The following ITFG1 variants were observed in gnomAD, a reference collection of about 807,000 sequenced individuals.
ITFG1 encodes integrin alpha FG-GAP repeat containing 1.
Under a neutral mutation model 81.8 loss-of-function variants are expected in ITFG1, and 34 were observed. The observed-to-expected ratio is 0.42, with a 90% CI of 0.32 to 0.55. The LOEUF (loss-of-function observed/expected upper bound fraction) is 0.55. ITFG1 is among the 20% of genes least tolerant of loss of function. The pLI is 0.17. For synonymous variants in ITFG1, 285 were observed against 270.6 expected (o/e 1.05, Z -0.52); for missense variants, 672 against 755.4 (o/e 0.89, Z 1.29).
chr16:47,195,372 T>C (rs891262147), intron 14 of ITFG1, among the ~76,000 whole-genome samples: 4 of 152,204 alleles, frequency 2.6e-5, no homozygotes, highest in African/African-American at 9.6e-5. Context: ...AAAGAACCAG[T>C]TGAAGTAAAT....
chr16:47,403,678 G>A (rs1029422514), intron 6 of ITFG1, among the ~76,000 whole-genome samples: 3 of 151,414 alleles, frequency 2.0e-5, no homozygotes, highest in Non-Finnish European at 2.9e-5. Flanking sequence ...GCATGTGCAA[G>A]TATTTTATAG....
At chr16:47,300,238 T>C (rs1967054936) in intron 10 of ITFG1, among the ~76,000 whole-genome samples, 1 of 152,248 alleles carries the variant, frequency 6.6e-6, no homozygotes, top group South Asian at 2.1e-4. Flanking sequence ...CTTCCTATTT[T>C]TTTCTTGTTG....
intron 10 of ITFG1, among the ~76,000 whole-genome samples, chr16:47,271,746 C>G (rs978553440): frequency 6.6e-6 from 1 of 152,134 alleles, no homozygotes; most frequent in Non-Finnish European, 1.5e-5. Context: ...GTAGTCCCAG[C>G]TACTTGGGAG....
intron 10 of ITFG1, among the ~76,000 whole-genome samples, chr16:47,299,021 G>T (rs1356291465): frequency 6.6e-6 from 1 of 152,110 alleles, no homozygotes; most frequent in Non-Finnish European, 1.5e-5. Context: ...GCCCTGAGAG[G>T]GGTGGTGGGG....
chr16:47,428,907 T>A lies in ITFG1; in HGVS notation c.561-9A>T. 1 of 1,514,988 alleles carries A rather than the reference T, an allele frequency of 6.6e-7. No individual in the cohort carries two copies. Among genetic ancestry groups the A allele is most frequent in the South Asian group, 1.2e-5 (1 of 82,926 alleles). The allele number at this position is 1,514,988 out of a possible 1,614,324, so 93.8% of individuals were successfully genotyped here. A position where few individuals can be genotyped will look rare whatever the true frequency, so the allele number is the denominator to read the frequency against. ...GATGCCATGATAAATTCCTAAAAAA[T>A]AAAATAAAAATACTTTTCTTAAGGC... On this transcript the variant is annotated splice_polypyrimidine_tract_variant and intron_variant, in intron 5 of 17. Coordinates refer to ENST00000320640, the MANE Select transcript of ITFG1 (RefSeq NM_030790.5).
intron 8 of ITFG1, among the ~76,000 whole-genome samples, chr16:47,315,891 A>G (rs1967349693): frequency 6.6e-6 from 1 of 151,968 alleles, no homozygotes; most frequent in African/African-American, 2.4e-5. Context: ...CCTGGGTTCA[A>G]GCAATTCTCA....
intron 14 of ITFG1, among the ~76,000 whole-genome samples, chr16:47,217,740 C>G (rs1287759022): frequency 6.6e-6 from 1 of 152,096 alleles, no homozygotes; most frequent in Non-Finnish European, 1.5e-5. Context: ...CTGGCTAACA[C>G]AGGTGAAACC....
Position 47,239,515 on chromosome 16 carries a change from T to C in ITFG1, c.1331-1507A>G, listed in dbSNP as rs116716849. Among the ~76,000 whole-genome samples, 650 of 152,152 alleles carry C rather than the reference T, an allele frequency of 4.3e-3. 4 individuals carry two copies. Among genetic ancestry groups the C allele is most frequent in the African/African-American group, 0.014 (602 of 41,522 alleles). On this transcript the variant is annotated intron_variant, in intron 12 of 17. Transcript: ENST00000320640. The stretch of plus-strand genomic sequence containing the variant: ...GGTCTGGCCAGATATTTTTTTTATA[T>C]TAATAGCAGCCTAAATGGACTAAGA...
At chr16:47,177,175 GC>G (rs1965039399) in intron 14 of ITFG1, among the ~76,000 whole-genome samples, 1 of 151,944 alleles carries the variant, frequency 6.6e-6, no homozygotes, top group Non-Finnish European at 1.5e-5. Context: ...TCACTGTCTT[GC>G]CCAAGCTGGT....
chr16:47,342,087 A>C (rs1362745893), intron 8 of ITFG1, among the ~76,000 whole-genome samples: 2 of 152,234 alleles, frequency 1.3e-5, no homozygotes, highest in Non-Finnish European at 2.9e-5. Context: ...CATTACTCTG[A>C]TATCAAAGTC....
At position 47,459,168 on chromosome 16, in the gene ITFG1, G is replaced by C. The variant is rs200289404; in HGVS notation, c.216C>G (p.Asp72Glu). Reference sequence around the variant, plus strand: ...TCTGGTCTGCCAAAAAGACGATTAAGTCATTTCCTAAAGAAAACAAATATA... The same window carrying C: ...TCTGGTCTGCCAAAAAGACGATTAACTCATTTCCTAAAGAAAACAAATATA... ...TDLFVLRERNDLIVFLADQNA... is the reference protein window; with the variant it reads ...TDLFVLRERNELIVFLADQNA... Residue 72 changes from aspartate to glutamate, a missense_variant, in exon 2 of 18, where the codon GAC (aspartate) becomes GAG (glutamate). Coordinates refer to ENST00000320640, the MANE Select transcript of ITFG1 (RefSeq NM_030790.5). 1.4e-5 allele frequency: 22 copies of C among 1,590,810 alleles called. No homozygotes were observed. The highest frequency in any genetic ancestry group is 3.3e-5 in the Admixed American group (2 of 59,966).
At chr16:47,444,042 T>A (rs1969290716) in intron 5 of ITFG1, among the ~76,000 whole-genome samples, 1 of 152,170 alleles carries the variant, frequency 6.6e-6, no homozygotes, top group South Asian at 2.1e-4. Flanking sequence ...TGTTTCCAAA[T>A]GAAAGTCATT....
intron 8 of ITFG1, among the ~76,000 whole-genome samples, chr16:47,325,122 T>C: frequency 6.6e-6 from 1 of 152,150 alleles, no homozygotes; most frequent in East Asian, 1.9e-4. Flanking sequence ...ACAGAAATTA[T>C]AACAAACTGT....
chr16:47,406,498 A>T (rs1416481992), intron 6 of ITFG1, among the ~76,000 whole-genome samples: 1 of 152,220 alleles, frequency 6.6e-6, no homozygotes, highest in African/African-American at 2.4e-5. Context: ...CAGTTTGAGT[A>T]CTTAAAAATA....
intron 4 of ITFG1, 102 bp downstream of exon 4, chr16:47,452,631 G>T: frequency 1.4e-6 from 1 of 721,566 alleles, no homozygotes; most frequent in South Asian, 1.7e-5. Flanking sequence ...GCCTCTGAGT[G>T]AATTTAGTAT....
chr16:47,385,180 C>G (rs931809662), intron 6 of ITFG1, among the ~76,000 whole-genome samples: 1 of 152,120 alleles, frequency 6.6e-6, no homozygotes, highest in African/African-American at 2.4e-5. Context: ...TTATAAAGGT[C>G]TGTATGTTTG....
At chr16:47,450,143 C>T (rs1165622435) in intron 5 of ITFG1, 1 of 165,532 alleles carries the variant, frequency 6.0e-6, no homozygotes, top group African/African-American at 2.4e-5. Flanking sequence ...TGTGTTTTCC[C>T]TGCACCCCAC....
intron 5 of ITFG1, 53 bp downstream of exon 5, chr16:47,451,343 A>G: frequency 1.0e-6 from 1 of 975,498 alleles, no homozygotes; most frequent in Non-Finnish European, 1.6e-6. Context: ...CCAATGGTTA[A>G]AGTAGAAGCA....
At chr16:47,284,726 T>C (rs980992503) in intron 10 of ITFG1, among the ~76,000 whole-genome samples, 6 of 152,184 alleles carry the variant, frequency 3.9e-5, no homozygotes, top group African/African-American at 1.4e-4. Flanking sequence ...ATTTTTGAAA[T>C]GTATCTTTAA....
Sources: gnomAD v4.1 joint callset for allele counts (sites outside exome capture counted in the v4.1 genomes callset) on GRCh38, gnomAD v4.1.1 for gene constraint, MANE v1.5 for transcripts, NCBI Gene and HGNC (gene_info 2026-07-23, HGNC 2026-07-21) for gene names.